Variants in PTPRD observed in about 807,000 individuals in gnomAD.
PTPRD encodes protein tyrosine phosphatase receptor type D.
A neutral mutation model predicts 214.5 loss-of-function variants in PTPRD; 34 were observed. That is an observed-to-expected ratio of 0.16 (90% CI 0.12 to 0.21). The LOEUF (loss-of-function observed/expected upper bound fraction) is 0.21, where lower values mean the gene tolerates loss of function less well. Among genes scored for constraint, PTPRD ranks in the 10% least tolerant of loss-of-function variants. PTPRD has a pLI of 1.00. For missense variants in PTPRD, 2,545 were observed against 2,398.7 expected, an observed-to-expected ratio of 1.06 and a Z score of -1.27; for synonymous variants, 1,128 against 845.7, an observed-to-expected ratio of 1.33 and a Z score of -5.79.
intron 5 of PTPRD, among the ~76,000 whole-genome samples, chr9:9,923,123 G>GGTGT (rs35299908): frequency 0.043 from 6,285 of 145,032 alleles, 139 homozygotes; most frequent in Non-Finnish European, 0.055. Context: ...GTGTGTGGGG[G>GGTGT]GTGTGTGTGT....
chr9:8,611,701 C>A (rs987812390), intron 14 of PTPRD, among the ~76,000 whole-genome samples: 13 of 145,412 alleles, frequency 8.9e-5, no homozygotes, highest in Non-Finnish European at 7.5e-5. Flanking sequence ...AGGGCAAGAC[C>A]CTGTCAAAAG....
chr9:8,331,890 T>C (rs118183512), intron 43 of PTPRD, among the ~76,000 whole-genome samples, 154 bp from the exon 44 acceptor site: 1 of 151,304 alleles, frequency 6.6e-6, no homozygotes, highest in Non-Finnish European at 1.5e-5. Flanking sequence ...AGTTATGGTT[T>C]ATCTGCTATA....
chr9:8,507,206 A>G, intron 22 of PTPRD, 95 bp downstream of exon 22: 1 of 1,401,078 alleles, frequency 7.1e-7, no homozygotes, highest in Admixed American at 2.3e-5. Context: ...GGTCCTCAAT[A>G]GCTCTCTGAC....
intron 9 of PTPRD, among the ~76,000 whole-genome samples, chr9:9,263,186 C>G (rs1212384257): frequency 6.6e-6 from 1 of 151,616 alleles, no homozygotes; most frequent in Non-Finnish European, 1.5e-5. Flanking sequence ...CCCAATAAAT[C>G]ATTCAAATTT....
chr9:9,753,309 C>G (rs113245923), intron 6 of PTPRD, among the ~76,000 whole-genome samples: 2 of 151,908 alleles, frequency 1.3e-5, no homozygotes, highest in Admixed American at 1.3e-4. Context: ...AACACCAATA[C>G]AGGGACCCCT....
At chr9:10,472,561 T>C (rs939972839) in intron 2 of PTPRD, among the ~76,000 whole-genome samples, 3 of 152,110 alleles carry the variant, frequency 2.0e-5, no homozygotes, top group Admixed American at 6.6e-5. Context: ...CGGTCATCTA[T>C]TCACAAGGCT....
intron 9 of PTPRD, among the ~76,000 whole-genome samples, chr9:9,377,974 A>G (rs571443878): frequency 2.0e-5 from 3 of 152,066 alleles, no homozygotes; most frequent in Admixed American, 2.0e-4. Context: ...AAGTACAGAG[A>G]TTTCACATAT....
chr9:10,489,505 C>A (rs1226202510), intron 2 of PTPRD, among the ~76,000 whole-genome samples: 1 of 152,116 alleles, frequency 6.6e-6, no homozygotes, highest in Non-Finnish European at 1.5e-5. Context: ...TCTCTGTGCC[C>A]AGTTCAGCAC....
At chr9:9,617,836 G>A (rs944807751) in intron 7 of PTPRD, among the ~76,000 whole-genome samples, 2 of 151,712 alleles carry the variant, frequency 1.3e-5, no homozygotes, top group African/African-American at 2.4e-5. Flanking sequence ...ACTTTGGGAG[G>A]CAGAGGCGGG....
rs1314148226 is a variant in PTPRD at position 9,898,197 on chromosome 9, A to G, written c.-368+40310T>C. Among the ~76,000 whole-genome samples, 4 of 152,136 alleles carry G rather than the reference A, an allele frequency of 2.6e-5. No individual in the cohort carries two copies. In the East Asian group the frequency reaches 7.7e-4, roughly 29 times the overall value. On this transcript the variant is annotated intron_variant, in intron 5 of 45. Transcript: ENST00000381196. ...TAAACTAGGTCATTAATATTAAGAG[A>G]TTAACACAGAAATATAGAGGTCTAT...
At chr9:9,532,154 G>A (rs1191309430) in intron 8 of PTPRD, among the ~76,000 whole-genome samples, 1 of 152,150 alleles carries the variant, frequency 6.6e-6, no homozygotes, top group East Asian at 1.9e-4. Flanking sequence ...AGGAGAGCTA[G>A]GAAGAAACAC....
intron 2 of PTPRD, among the ~76,000 whole-genome samples, chr9:10,531,922 A>T (rs967266720): frequency 1.3e-5 from 2 of 152,182 alleles, no homozygotes; most frequent in African/African-American, 4.8e-5. Flanking sequence ...ACTCCAACAG[A>T]CCCTGCCTTC....
intron 11 of PTPRD, chr9:8,861,202 C>T (rs999148091): frequency 6.6e-6 from 1 of 152,094 alleles, no homozygotes; most frequent in African/African-American, 2.4e-5. Flanking sequence ...CATGAGGCAT[C>T]CTAACAGGAG....
chr9:9,026,134 T>C (rs1453479930), intron 10 of PTPRD, among the ~76,000 whole-genome samples: 2 of 151,390 alleles, frequency 1.3e-5, no homozygotes, highest in East Asian at 3.9e-4. Flanking sequence ...GAAGGCCTTA[T>C]AGAGATGGCT....
intron 6 of PTPRD, among the ~76,000 whole-genome samples, chr9:9,747,032 G>C (rs2821469): frequency 0.81 from 123,813 of 152,092 alleles, 51,118 homozygotes; most frequent in African/African-American, 0.95. Flanking sequence ...TCCTAGAAAT[G>C]TGGAAGGAAA....
rs1052534920 is a variant in PTPRD at position 8,499,895 on chromosome 9, G to A, written c.2129-55C>T. On this transcript the variant is annotated intron_variant, in intron 24 of 45. Transcript: ENST00000381196. ...TATAGGCACTTGTCCCACCCTATCAGAGCATTTTCTGCATTTTCTTTACTT... is the reference window on the plus strand; with the variant it reads ...TATAGGCACTTGTCCCACCCTATCAAAGCATTTTCTGCATTTTCTTTACTT... The A allele has an allele frequency of 5.5e-6, 8 of 1,444,050 alleles. No individual in the cohort carries two copies. The Admixed American group carries it at 1.9e-4, about 34-fold the overall frequency. 89.5% of individuals were successfully genotyped at this position (1,444,050 alleles called of 1,614,324 possible). A position where few individuals can be genotyped will look rare whatever the true frequency, so the allele number is the denominator to read the frequency against.
chr9:8,632,905 T>A (rs1054197301), intron 14 of PTPRD, among the ~76,000 whole-genome samples: 38 of 152,038 alleles, frequency 2.5e-4, no homozygotes, highest in Non-Finnish European at 2.6e-4. Context: ...ATCTTTAGGC[T>A]AAGGTTCTTT....
rs562671154 is a variant in PTPRD at position 9,585,938 on chromosome 9, C to A, written c.-286-11157G>T. ...AGCAGGCTAACCAGAAGTAGAGCAA[C>A]CTATGTGTTTGCTTTGGGAGATATA... On this transcript the variant is annotated intron_variant, in intron 7 of 45. Coordinates refer to ENST00000381196, the MANE Select transcript of PTPRD (RefSeq NM_002839.4). Among the ~76,000 whole-genome samples the A allele has an allele frequency of 9.2e-5, 14 of 152,082 alleles. No homozygotes were observed. The South Asian group carries it at 2.7e-3, about 29-fold the overall frequency.
chr9:9,839,823 C>T (rs1046053800), intron 5 of PTPRD, among the ~76,000 whole-genome samples: 1 of 151,986 alleles, frequency 6.6e-6, no homozygotes, highest in Non-Finnish European at 1.5e-5. Flanking sequence ...TTTAAGAAGC[C>T]TCGATCTCTA....
Sources: allele counts gnomAD v4.1 joint callset (sites outside exome capture counted in the v4.1 genomes callset), GRCh38; gene constraint gnomAD v4.1.1; transcripts MANE v1.5; gene names NCBI Gene and HGNC (gene_info 2026-07-23, HGNC 2026-07-21).